CNTNAP5: variants seen among roughly 807,000 people sequenced by gnomAD.
CNTNAP5 encodes the protein contactin-associated protein-like 5.
A neutral mutation model predicts 150.2 loss-of-function variants in CNTNAP5; 72 were observed. The ratio of observed to expected loss-of-function variants is 0.48; its 90% CI spans 0.40 to 0.58. The LOEUF (loss-of-function observed/expected upper bound fraction) is 0.58, where lower values mean the gene tolerates loss of function less well. CNTNAP5 is among the 20% of genes least tolerant of loss of function. The pLI is 0.00. For missense variants in CNTNAP5, 1,636 were observed against 1,626.2 expected (o/e 1.01, Z -0.10); for synonymous variants, 672 against 619.8 (o/e 1.08, Z -1.25).
At chr2:124,142,344 T>TC (rs1684136540) in intron 1 of CNTNAP5, among the ~76,000 whole-genome samples, 1 of 149,072 alleles carries the variant, frequency 6.7e-6, no homozygotes, top group South Asian at 2.2e-4. Flanking sequence ...TACATTTTTT[T>TC]CAGCACCACA....
intron 3 of CNTNAP5, among the ~76,000 whole-genome samples, chr2:124,363,078 C>A (rs901262070): frequency 2.0e-5 from 3 of 152,150 alleles, no homozygotes; most frequent in East Asian, 3.8e-4. Flanking sequence ...TCACTTGTGA[C>A]AGTTGTGGTG....
chr2:124,301,497 G>T (rs1216833268), intron 3 of CNTNAP5, among the ~76,000 whole-genome samples: 2 of 152,174 alleles, frequency 1.3e-5, no homozygotes, highest in Non-Finnish European at 2.9e-5. Flanking sequence ...TTTGGAAAAT[G>T]ACTTTATAAT....
chr2:124,039,679 A>G (rs1681314317), intron 1 of CNTNAP5, among the ~76,000 whole-genome samples: 1 of 152,170 alleles, frequency 6.6e-6, no homozygotes, highest in African/African-American at 2.4e-5. Flanking sequence ...GGTGCCATTC[A>G]TCACAAAATC....
intron 13 of CNTNAP5, among the ~76,000 whole-genome samples, chr2:124,696,151 C>G (rs1299246922): frequency 2.0e-5 from 3 of 152,028 alleles, no homozygotes; most frequent in Non-Finnish European, 4.4e-5. Context: ...TTCAGAGGAT[C>G]CAGACAATGA....
chr2:124,119,600 A>G (rs1337490907), intron 1 of CNTNAP5, among the ~76,000 whole-genome samples: 1 of 152,186 alleles, frequency 6.6e-6, no homozygotes. Flanking sequence ...CATGTTATGT[A>G]CAAAAATAAT....
At chr2:124,245,171 T>C (rs1263332465) in intron 3 of CNTNAP5, among the ~76,000 whole-genome samples, 2 of 152,212 alleles carry the variant, frequency 1.3e-5, no homozygotes, top group East Asian at 3.8e-4. Context: ...AGTGTGAAGA[T>C]ACCAATAATA....
chr2:124,087,582 C>A (rs576287979), intron 1 of CNTNAP5, among the ~76,000 whole-genome samples: 1 of 151,694 alleles, frequency 6.6e-6, no homozygotes, highest in South Asian at 2.1e-4. Flanking sequence ...ATTAGCTGGG[C>A]GTGGTGGCGT....
At chr2:124,122,792 A>ACC (rs56768761) in intron 1 of CNTNAP5, among the ~76,000 whole-genome samples, 3,169 of 113,350 alleles carry the variant, frequency 0.028, 251 homozygotes, top group Admixed American at 0.16. Context: ...ACACACACAC[A>ACC]CCCACACCTT....
intron 14 of CNTNAP5, among the ~76,000 whole-genome samples, chr2:124,761,632 A>G (rs1680957395): frequency 6.6e-6 from 1 of 152,022 alleles, no homozygotes; most frequent in South Asian, 2.1e-4. Context: ...GTCAATTTCC[A>G]TTTATTACTA....
chr2:124,341,050 T>C (rs1022886671), intron 3 of CNTNAP5, among the ~76,000 whole-genome samples: 4 of 151,698 alleles, frequency 2.6e-5, no homozygotes, highest in African/African-American at 9.7e-5. Flanking sequence ...TGCACTCCAG[T>C]TTAGGTGACA....
chr2:124,245,143 CAT>C (rs897982288), intron 3 of CNTNAP5, among the ~76,000 whole-genome samples: 14 of 152,218 alleles, frequency 9.2e-5, no homozygotes, highest in Admixed American at 3.3e-4. Context: ...GTTTAATTCA[CAT>C]GTTGCTAAAT....
chr2:124,252,137 T>C (rs969126882), intron 3 of CNTNAP5, among the ~76,000 whole-genome samples: 2 of 152,144 alleles, frequency 1.3e-5, no homozygotes, highest in African/African-American at 4.8e-5. Flanking sequence ...TGCAAAGGCT[T>C]ATGTTGTGTT....
intron 4 of CNTNAP5, among the ~76,000 whole-genome samples, chr2:124,419,511 TC>T (rs1340553116): frequency 1.3e-5 from 2 of 152,172 alleles, no homozygotes; most frequent in African/African-American, 4.8e-5. Context: ...ATGAGAAGGT[TC>T]AGAGGTCTGC....
In CNTNAP5 at chr2:124,718,344, G is replaced by A. The variant is rs116484535; in HGVS notation, c.2078-28885G>A. 4.2e-3 allele frequency among the ~76,000 whole-genome samples: 634 copies of A among 152,182 alleles called. 5 individuals carry two copies. Among genetic ancestry groups the A allele is most frequent in the African/African-American group, 0.014 (587 of 41,534 alleles). ...TTTCATTAGTCCACTTTTCCACCTCGTAAACAGTGTAAAAACTCAATCCAA... is the reference window on the plus strand; with the variant it reads ...TTTCATTAGTCCACTTTTCCACCTCATAAACAGTGTAAAAACTCAATCCAA... On this transcript the variant is annotated intron_variant, in intron 13 of 23. Coordinates refer to ENST00000682447, the MANE Select transcript of CNTNAP5 (RefSeq NM_001367498.1).
intron 8 of CNTNAP5, among the ~76,000 whole-genome samples, chr2:124,518,911 C>G (rs1454629716): frequency 6.6e-6 from 1 of 150,478 alleles, no homozygotes; most frequent in Non-Finnish European, 1.5e-5. Context: ...ATCGCTTGAA[C>G]CCAGGAGGCG....
intron 12 of CNTNAP5, among the ~76,000 whole-genome samples, chr2:124,620,756 CA>C (rs1259608240): frequency 3.9e-5 from 5 of 127,500 alleles, no homozygotes; most frequent in Admixed American, 3.7e-4. Flanking sequence ...CACACACACA[CA>C]CACACACACA....
chr2:124,638,064 ATG>A, intron 12 of CNTNAP5, among the ~76,000 whole-genome samples: 1 of 151,276 alleles, frequency 6.6e-6, no homozygotes, highest in African/African-American at 2.4e-5. Context: ...GTGTGTGTGC[ATG>A]TGTGTGTGTG....
chr2:124,476,054 A>G (rs1295888000), intron 7 of CNTNAP5, among the ~76,000 whole-genome samples: 1 of 152,042 alleles, frequency 6.6e-6, no homozygotes, highest in African/African-American at 2.4e-5. Flanking sequence ...TGGTTTCTGT[A>G]GACATTATAT....
At chr2:124,630,923 A>C (rs1558712089) in intron 12 of CNTNAP5, among the ~76,000 whole-genome samples, 1 of 152,128 alleles carries the variant, frequency 6.6e-6, no homozygotes, top group Non-Finnish European at 1.5e-5. Flanking sequence ...ATTCCTATAC[A>C]CCAACAAAAG....
Sources: gnomAD v4.1 joint callset for allele counts (sites outside exome capture counted in the v4.1 genomes callset) on GRCh38, gnomAD v4.1.1 for gene constraint, MANE v1.5 for transcripts, NCBI Gene and HGNC (gene_info 2026-07-23, HGNC 2026-07-21) for gene names.